Variants in SMAP1 observed in about 807,000 individuals in gnomAD.
The protein encoded by SMAP1 is small ArfGAP 1.
In SMAP1, 24 loss-of-function variants were observed where a neutral mutation model predicts 58.5. The ratio of observed to expected loss-of-function variants is 0.41; its 90% CI spans 0.30 to 0.58. The LOEUF is 0.58. Among genes scored for constraint, SMAP1 ranks in the 20% least tolerant of loss-of-function variants. SMAP1 has a pLI of 0.29. For missense variants in SMAP1, 563 were observed against 566.3 expected (o/e 0.99, Z 0.06); for synonymous variants, 216 against 196.6 (o/e 1.10, Z -0.82).
rs532652831 is a variant in SMAP1, at chr6:70,706,553, C to G, written c.119-25825C>G. On this transcript the variant is annotated intron_variant, in intron 1 of 10. Transcript: ENST00000370455. Reference sequence around the variant, plus strand: ...AGAGGTTAAAGAGGTAAAGTGAGTTCATATTTTTGGTTGTTTTATTGGCAG... The same window carrying G: ...AGAGGTTAAAGAGGTAAAGTGAGTTGATATTTTTGGTTGTTTTATTGGCAG... Among the ~76,000 whole-genome samples the G allele has an allele frequency of 4.6e-5, 7 of 152,270 alleles. No homozygotes were observed. The East Asian group carries it at 1.2e-3, about 25-fold the overall frequency.
chr6:70,752,491 C>T (rs1311587571), intron 2 of SMAP1, among the ~76,000 whole-genome samples: 2 of 152,246 alleles, frequency 1.3e-5, no homozygotes, highest in South Asian at 2.1e-4. Flanking sequence ...TTTAAAATTG[C>T]AAATATAGGT....
At chr6:70,721,443 C>G (rs1768523829) in intron 1 of SMAP1, among the ~76,000 whole-genome samples, 1 of 152,198 alleles carries the variant, frequency 6.6e-6, no homozygotes, top group East Asian at 1.9e-4. Flanking sequence ...GTCTATATCG[C>G]TATCAGCATT....
chr6:70,748,878 G>C (rs1458734492), intron 2 of SMAP1, among the ~76,000 whole-genome samples: 1 of 151,056 alleles, frequency 6.6e-6, no homozygotes, highest in East Asian at 1.9e-4. Context: ...CATATTTTAT[G>C]CATATATATA....
chr6:70,668,512 C>T (rs1365238975), intron 1 of SMAP1: 9 of 1,496,316 alleles, frequency 6.0e-6, no homozygotes, highest in Non-Finnish European at 8.0e-6. Context: ...AGTTGCCCTC[C>T]TAGCTCTGCT....
intron 3 of SMAP1, among the ~76,000 whole-genome samples, chr6:70,761,633 A>G (rs1428492383): frequency 6.6e-6 from 1 of 151,948 alleles, no homozygotes; most frequent in Non-Finnish European, 1.5e-5. Flanking sequence ...GCTACCATGG[A>G]CCCTATCTTT....
chr6:70,771,362 T>C (rs1319751853), intron 3 of SMAP1, among the ~76,000 whole-genome samples: 1 of 145,128 alleles, frequency 6.9e-6, no homozygotes, highest in Non-Finnish European at 1.5e-5. Flanking sequence ...AGTTGGAGCC[T>C]ACAGAGGCCG....
chr6:70,713,167 C>G (rs1197405875), intron 1 of SMAP1, among the ~76,000 whole-genome samples: 2 of 152,104 alleles, frequency 1.3e-5, no homozygotes, highest in African/African-American at 4.8e-5. Context: ...TCTTCTCTCT[C>G]TTTCTCTTAG....
intron 6 of SMAP1, among the ~76,000 whole-genome samples, chr6:70,834,463 C>T (rs1302455334): frequency 1.3e-5 from 2 of 151,654 alleles, no homozygotes; most frequent in Admixed American, 1.3e-4. Flanking sequence ...ATCTGAGCCT[C>T]AGTTAATTTG....
intron 3 of SMAP1, among the ~76,000 whole-genome samples, chr6:70,769,751 C>G (rs1429328016): frequency 6.6e-6 from 1 of 152,178 alleles, no homozygotes; most frequent in Non-Finnish European, 1.5e-5. Flanking sequence ...AGCCCATTTA[C>G]ATTTAAAGTT....
intron 1 of SMAP1, among the ~76,000 whole-genome samples, chr6:70,690,487 G>A (rs1460819511): frequency 6.6e-6 from 1 of 151,790 alleles, no homozygotes; most frequent in African/African-American, 2.4e-5. Flanking sequence ...TGTATTTTTA[G>A]TAGAGATGGG....
At chr6:70,833,552 A>G (rs146889640) in intron 6 of SMAP1, among the ~76,000 whole-genome samples, 2 of 152,322 alleles carry the variant, frequency 1.3e-5, no homozygotes, top group East Asian at 3.9e-4. Context: ...ATTTGGAATA[A>G]TAGGGTTTAG....
At chr6:70,761,636 C>G (rs1766750535) in intron 3 of SMAP1, among the ~76,000 whole-genome samples, 1 of 151,942 alleles carries the variant, frequency 6.6e-6, no homozygotes, top group Admixed American at 6.6e-5. Context: ...ACCATGGACC[C>G]TATCTTTTAA....
chr6:70,713,998 T>C (rs1006345056), intron 1 of SMAP1, among the ~76,000 whole-genome samples: 1 of 152,164 alleles, frequency 6.6e-6, no homozygotes, highest in African/African-American at 2.4e-5. Context: ...GTAATGACCT[T>C]TTTTTGTCTC....
At position 70,858,068 on chromosome 6, in the gene SMAP1, A is replaced by G. The variant is rs773073667; in HGVS notation, c.1108A>G (p.Met370Val). Residue 370 changes from methionine (M) to valine (V), a missense_variant, in exon 10 of 11, where the codon ATG becomes GTG. Met to Val is a conservative substitution (Grantham distance 21). Around this residue, in one of 3 missense-constraint regions of SMAP1, gnomAD observed 494 missense variants for 473.8 expected, o/e 1.04. Coordinates refer to ENST00000370455, the MANE Select transcript of SMAP1 (RefSeq NM_001044305.3). ...ACAGAGTCCAAGCATGATGGTGGGC[A>G]TGCCCATGCCCAATGGGTTTATGGG... ...MGQSPSMMVG[M>V]PMPNGFMGNA... is the part of the protein sequence containing the mutation. The G allele has an allele frequency of 7.4e-6, 12 of 1,613,950 alleles. No individual in the cohort carries two copies. Among genetic ancestry groups the G allele is most frequent in the Non-Finnish European group, 1.0e-5 (12 of 1,180,000 alleles).
chr6:70,843,966 A>G (rs531207490), intron 7 of SMAP1, among the ~76,000 whole-genome samples: 2 of 152,302 alleles, frequency 1.3e-5, no homozygotes, highest in African/African-American at 4.8e-5. Flanking sequence ...GCTGAGTAAC[A>G]CACAGTAGGA....
chr6:70,816,956 A>C (rs1769656566), intron 6 of SMAP1, among the ~76,000 whole-genome samples: 1 of 152,034 alleles, frequency 6.6e-6, no homozygotes, highest in Non-Finnish European at 1.5e-5. Flanking sequence ...ACACAAAAGA[A>C]GCAAATGTCT....
intron 1 of SMAP1, among the ~76,000 whole-genome samples, chr6:70,725,093 G>GAT (rs1768710050): frequency 2.1e-5 from 1 of 47,778 alleles, no homozygotes. Flanking sequence ...ATTAACCAGT[G>GAT]TTTTTTTTTT....
chr6:70,711,608 A>C (rs1212713652), intron 1 of SMAP1, among the ~76,000 whole-genome samples: 1 of 148,622 alleles, frequency 6.7e-6, no homozygotes, highest in Non-Finnish European at 1.5e-5. Flanking sequence ...GCTCACTGTG[A>C]CCTCCGCCTC....
intron 3 of SMAP1, among the ~76,000 whole-genome samples, chr6:70,767,249 T>G (rs912255568): frequency 6.6e-6 from 1 of 151,566 alleles, no homozygotes; most frequent in Non-Finnish European, 1.5e-5. Context: ...TGGTTCCATA[T>G]GAACTTTAAA....
Sources: gnomAD v4.1 joint callset for allele counts (sites outside exome capture counted in the v4.1 genomes callset) on GRCh38, gnomAD v4.1.1 for gene constraint, gnomAD v4.1.1 regional missense constraint, MANE v1.5 for transcripts, NCBI Gene and HGNC (gene_info 2026-07-23, HGNC 2026-07-21) for gene names.